PHRF1: variants seen among roughly 807,000 people sequenced by gnomAD.
The protein encoded by PHRF1 is PHD and RING finger domain-containing protein 1.
Under a neutral mutation model 128.9 loss-of-function variants are expected in PHRF1, and 53 were observed. The observed-to-expected ratio is 0.41, with a 90% confidence interval of 0.33 to 0.52. PHRF1 has a LOEUF of 0.52. PHRF1 is among the 20% of genes least tolerant of loss of function. The probability of loss-of-function intolerance (pLI) is 0.21; values close to 1 mark genes in which losing one functional copy is unlikely to be tolerated. For synonymous variants in PHRF1, 1,178 were observed against 980.6 expected (o/e 1.20, Z -3.76); for missense variants, 2,503 against 2,284.5 (o/e 1.10, Z -1.95).
Position 608,051 on chromosome 11 carries a change from C to T in PHRF1, c.2595C>T (p.Ile865=), listed in dbSNP as rs1480213063. The change falls in exon 14 of 18, where the codon ATC becomes ATT. Residue 865 remains isoleucine (I), a synonymous_variant. Coordinates refer to ENST00000264555, the MANE Select transcript of PHRF1 (RefSeq NM_001286581.2). ...CTGAGATCACACGAACCATCTCCAT[C>T]AACAGCCCGAAGGCCCAGACGGTGC... ...LPSEITRTIS[I]NSPKAQTVQA... is the part of the protein sequence containing the mutation. The T allele has an allele frequency of 6.2e-7, 1 of 1,611,416 alleles. No individual in the cohort carries two copies. The highest frequency in any genetic ancestry group is 8.5e-7 in the Non-Finnish European group (1 of 1,179,878).
chr11:595,831 G>T (rs1855241902), intron 6 of PHRF1, among the ~76,000 whole-genome samples: 1 of 152,208 alleles, frequency 6.6e-6, no homozygotes, highest in Admixed American at 6.5e-5. Context: ...TGTCCCCAGA[G>T]AACTTGTATA....
At chr11:581,391 G>T (rs1407130035) in intron 1 of PHRF1, 101 bp from the exon 2 acceptor site, 2 of 928,586 alleles carry the variant, frequency 2.2e-6, no homozygotes, top group Admixed American at 2.6e-5. Flanking sequence ...GGCGGTGGAT[G>T]TGACACGGGG....
chr11:587,583 G>A, intron 4 of PHRF1, 119 bp downstream of exon 4: 1 of 1,012,264 alleles, frequency 9.9e-7, no homozygotes, highest in Non-Finnish European at 1.5e-6. Context: ...GGCTGACCCT[G>A]GGGCCACAGG....
chr11:588,177 T>C (rs1033028046), intron 4 of PHRF1, among the ~76,000 whole-genome samples: 2 of 152,158 alleles, frequency 1.3e-5, no homozygotes, highest in African/African-American at 4.8e-5. Context: ...CCAGGGTTCC[T>C]AGTGACTGGG....
In PHRF1 at chr11:611,049, G is replaced by A; in HGVS notation, c.4773G>A (p.Glu1591=). The A allele has an allele frequency of 6.2e-7, 1 of 1,613,308 alleles. No homozygotes were observed. The highest frequency in any genetic ancestry group is 8.5e-7 in the Non-Finnish European group (1 of 1,179,764). Residue 1591 remains glutamate, a synonymous_variant, in exon 17 of 18, where the codon GAG becomes GAA. Transcript: ENST00000264555. ...FYQKREVTKE[E]YKDILRKAVQ... ...AGAAGAGGGAGGTGACCAAGGAGGA[G>A]TACAAGGACATCCTGCGCAAGGCCG...
intron 3 of PHRF1, among the ~76,000 whole-genome samples, chr11:583,195 C>T (rs550608604): frequency 4.0e-4 from 61 of 151,816 alleles, no homozygotes; most frequent in Non-Finnish European, 6.6e-4. Flanking sequence ...AAAAATTAGC[C>T]AGTCGTGTTG....
At chr11:584,269 T>A (rs1045955379) in intron 3 of PHRF1, among the ~76,000 whole-genome samples, 1 of 152,192 alleles carries the variant, frequency 6.6e-6, no homozygotes, top group African/African-American at 2.4e-5. Flanking sequence ...TTGCCAGGGC[T>A]GAAAGTGTGG....
chr11:605,664 C>T lies in PHRF1; in HGVS notation c.1394C>T (p.Ser465Phe). 6.2e-7 allele frequency: 1 copy of T among 1,613,572 alleles called. No individual in the cohort carries two copies. The highest frequency in any genetic ancestry group is 8.5e-7 in the Non-Finnish European group (1 of 1,179,892). The change falls in exon 12 of 18, where the codon TCC (serine) becomes TTC (phenylalanine). Residue 465 changes from serine (S) to phenylalanine (F), a missense_variant. Transcript: ENST00000264555. ...CTGAGTGCCAAGAGACGGGCTCTGT[C>T]CCGGTCAGCCCTGCAGTCCCACCAG... ...SPLSAKRRAL[S>F]RSALQSHQPV...
At chr11:602,048 G>A (rs1032181784) in intron 10 of PHRF1, among the ~76,000 whole-genome samples, 4 of 152,186 alleles carry the variant, frequency 2.6e-5, no homozygotes, top group African/African-American at 9.7e-5. Flanking sequence ...GCCCCCAGGA[G>A]CAGCTGTGGG....
At position 605,145 on chromosome 11, in the gene PHRF1, C is replaced by G; in HGVS notation, c.1179C>G (p.Ile393Met). ...VKSEATTRSRIARTLGLRRPV... is the reference protein window; with the variant it reads ...VKSEATTRSRMARTLGLRRPV... ...GTGAAGCCACCACTCGCTCTCGAAT[C>G]GCGCGGACGCTGGGCCTGCGCAGGC... is the stretch of plus-strand genomic sequence containing the variant. The change falls in exon 11 of 18, where the codon ATC (isoleucine) becomes ATG (methionine). Residue 393 changes from isoleucine (I) to methionine (M), a missense_variant. By Grantham distance (10) the Ile-to-Met change is conservative (BLOSUM62 1). Coordinates refer to ENST00000264555, the MANE Select transcript of PHRF1 (RefSeq NM_001286581.2). The G allele has an allele frequency of 6.2e-7, 1 of 1,612,134 alleles. No individual in the cohort carries two copies. Among genetic ancestry groups the G allele is most frequent in the Non-Finnish European group, 8.5e-7 (1 of 1,178,622 alleles).
At chr11:596,634 G>C (rs1170515114) in intron 6 of PHRF1, among the ~76,000 whole-genome samples, 2 of 152,204 alleles carry the variant, frequency 1.3e-5, no homozygotes, top group African/African-American at 4.8e-5. Flanking sequence ...TGGTTCCTGG[G>C]GAGGCCCCCT....
chr11:576,657 C>T (rs1476893507), intron 1 of PHRF1, 65 bp downstream of exon 1: 2 of 148,774 alleles, frequency 1.3e-5, no homozygotes, highest in African/African-American at 2.4e-5. Context: ...CGCCTGTGGG[C>T]GCCACGCGCT....
chr11:580,224 A>G (rs1160032391), intron 1 of PHRF1, among the ~76,000 whole-genome samples: 1 of 152,242 alleles, frequency 6.6e-6, no homozygotes, highest in East Asian at 1.9e-4. Flanking sequence ...AACAAGGTCA[A>G]TAGCACTGAT....
chr11:603,062 T>C (rs1855734908), intron 10 of PHRF1, among the ~76,000 whole-genome samples: 1 of 151,364 alleles, frequency 6.6e-6, no homozygotes, highest in Non-Finnish European at 1.5e-5. Flanking sequence ...GCCCAGCCTT[T>C]GTTTTGTTTT....
Position 596,920 on chromosome 11 carries a change from T to C in PHRF1, c.621-3T>C. 6.2e-7 allele frequency: 1 copy of C among 1,613,474 alleles called. No individual in the cohort carries two copies. The highest frequency in any genetic ancestry group is 8.5e-7 in the Non-Finnish European group (1 of 1,179,556). On this transcript the variant is annotated splice_polypyrimidine_tract_variant and splice_region_variant and intron_variant, in intron 6 of 17. Transcript: ENST00000264555. The stretch of plus-strand genomic sequence containing the variant: ...GATGCTTTGGCCCTGCTCTCTCCTG[T>C]AGGTACCACATGGAATGCTTGGACC...
At chr11:581,400 G>C in intron 1 of PHRF1, 92 bp from the exon 2 acceptor site, 1 of 1,020,028 alleles carries the variant, frequency 9.8e-7, no homozygotes. Context: ...TGTGACACGG[G>C]GATGTGGCCT....
chr11:602,634 T>C (rs926149282), intron 10 of PHRF1, among the ~76,000 whole-genome samples: 1 of 151,742 alleles, frequency 6.6e-6, no homozygotes, highest in African/African-American at 2.4e-5. Flanking sequence ...TGAGCCGAGA[T>C]TGCACCACTG....
Position 588,472 on chromosome 11 carries a change from C to T in PHRF1, c.420+1008C>T, listed in dbSNP as rs548345291. 5.9e-5 allele frequency among the ~76,000 whole-genome samples: 9 copies of T among 152,126 alleles called. No homozygotes were observed. In the East Asian group the frequency reaches 7.7e-4, roughly 13 times the overall value. On this transcript the variant is annotated intron_variant, in intron 4 of 17. Transcript: ENST00000264555. The stretch of plus-strand genomic sequence containing the variant: ...TTGGCTCACCACAACCTCCACCTTC[C>T]GGGTTCAAGCGATTCTCCTGCCTCA...
rs574119221 is a variant in PHRF1 at position 605,878 on chromosome 11, G to A, written c.1454+154G>A. Among the ~76,000 whole-genome samples the A allele has an allele frequency of 7.2e-5, 11 of 152,328 alleles. No homozygotes were observed. The South Asian group carries it at 1.7e-3, about 23-fold the overall frequency. ...TCATGCTCATCAGTCGGCCCTTGGCGTGAGGCAGTGCTGCAGCCCATCCTG... is the reference window on the plus strand; with the variant it reads ...TCATGCTCATCAGTCGGCCCTTGGCATGAGGCAGTGCTGCAGCCCATCCTG... On this transcript the variant is annotated intron_variant, in intron 12 of 17. Transcript: ENST00000264555.
Sources: allele counts gnomAD v4.1 joint callset (sites outside exome capture counted in the v4.1 genomes callset), GRCh38; gene constraint gnomAD v4.1.1; transcripts MANE v1.5; gene names NCBI Gene and HGNC (gene_info 2026-07-23, HGNC 2026-07-21).